The following DNAH6 variants were observed in gnomAD, a reference collection of about 807,000 sequenced individuals.
DNAH6 encodes the protein axonemal beta dynein heavy chain 6.
In DNAH6, 340 loss-of-function variants were observed where a neutral mutation model predicts 491.4. That is an observed-to-expected ratio of 0.69 (90% CI 0.63 to 0.76). The LOEUF is 0.76. Ranked by LOEUF, DNAH6 falls within the 30% of genes least tolerant of loss-of-function variation. The pLI is 0.00. For synonymous variants in DNAH6, 1,603 were observed against 1,686.1 expected (o/e 0.95, Z 1.21); for missense variants, 4,443 against 4,972.2 (o/e 0.89, Z 3.20).
chr2:84,536,939 C>T (rs939405777), intron 4 of DNAH6, among the ~76,000 whole-genome samples: 1 of 151,990 alleles, frequency 6.6e-6, no homozygotes. Flanking sequence ...TATAATCTCA[C>T]ATATTATGTG....
intron 41 of DNAH6, among the ~76,000 whole-genome samples, chr2:84,681,070 T>C (rs920607072): frequency 6.6e-6 from 1 of 152,122 alleles, no homozygotes; most frequent in African/African-American, 2.4e-5. Context: ...TGATGACCCC[T>C]TGGACTCACC....
At chr2:84,620,303 G>A (rs1687268782) in intron 24 of DNAH6, among the ~76,000 whole-genome samples, 1 of 152,102 alleles carries the variant, frequency 6.6e-6, no homozygotes, top group South Asian at 2.1e-4. Context: ...GGAATGATGA[G>A]CTCGTTCAGG....
chr2:84,492,012 T>C, the DNAH6 span, among the ~76,000 whole-genome samples: 2 of 152,142 alleles, frequency 1.3e-5, no homozygotes, highest in African/African-American at 4.8e-5. Flanking sequence ...GCTCAGAAGG[T>C]GGAGGTCTAA....
At chr2:84,726,271 G>A (rs1573617571) in intron 60 of DNAH6, among the ~76,000 whole-genome samples, 1 of 152,260 alleles carries the variant, frequency 6.6e-6, no homozygotes, top group East Asian at 1.9e-4. Flanking sequence ...TGATCCCAGG[G>A]ATTGGGCAGG....
At chr2:84,551,038 T>A (rs1679297656) in intron 9 of DNAH6, among the ~76,000 whole-genome samples, 1 of 152,176 alleles carries the variant, frequency 6.6e-6, no homozygotes, top group Admixed American at 6.5e-5. Context: ...AGCTCCATCC[T>A]TAGTACTAAT....
rs576867757 is a variant in DNAH6 at position 84,629,125 on chromosome 2, C to T, written c.4515+4062C>T. Among the ~76,000 whole-genome samples, 5 of 152,148 alleles carry T rather than the reference C, an allele frequency of 3.3e-5. No individual in the cohort carries two copies. In the South Asian group the frequency reaches 6.2e-4, roughly 19 times the overall value. On this transcript the variant is annotated intron_variant, in intron 29 of 76. Transcript: ENST00000389394. The stretch of plus-strand genomic sequence containing the variant: ...GCTCTATTTTTTTAATTCGTTTTCA[C>T]TGCTCTGTTTTTATGATTTTTTTCA...
In DNAH6 at chr2:84,589,711, C is replaced by CAAAAA. The variant is rs1301777970; in HGVS notation, c.2610+773_2610+777dup. Among the ~76,000 whole-genome samples, 24 of 58,200 alleles carry CAAAAA rather than the reference C, an allele frequency of 4.1e-4. 1 individual carries two copies. Among genetic ancestry groups the CAAAAA allele is most frequent in the Non-Finnish European group, 6.6e-4 (18 of 27,362 alleles). 38.2% of individuals were successfully genotyped at this position (58,200 alleles called of 152,430 possible). A position where few individuals can be genotyped will look rare whatever the true frequency, so the allele number is the denominator to read the frequency against. On this transcript the variant is annotated intron_variant, in intron 16 of 76. Coordinates refer to ENST00000389394, the MANE Select transcript of DNAH6 (RefSeq NM_001370.2). ...TAGGTGACAGAGTGAGACCCTGTCTCAAAAAAAAAAAAAAAAAAAAGAAAG... is the reference window on the plus strand; with the variant it reads ...TAGGTGACAGAGTGAGACCCTGTCTCAAAAAAAAAAAAAAAAAAAAAAAAAGAAAG...
chr2:84,588,774 G>C, intron 15 of DNAH6, 52 bp from the exon 16 acceptor site: 1 of 1,408,258 alleles, frequency 7.1e-7, no homozygotes, highest in Admixed American at 2.8e-5. Context: ...AATTTAATTG[G>C]TCTTTATCAA....
chr2:84,813,914 G>A, intron 74 of DNAH6, 57 bp from the exon 75 acceptor site: 8 of 1,532,940 alleles, frequency 5.2e-6, no homozygotes, highest in Non-Finnish European at 7.1e-6. Context: ...AAGGGGAATA[G>A]TGCCTGGGGA....
At chr2:84,477,397 GC>G in the DNAH6 span, among the ~76,000 whole-genome samples, 9 of 152,122 alleles carry the variant, frequency 5.9e-5, no homozygotes, top group African/African-American at 2.2e-4. Context: ...CCCTGCCTCA[GC>G]TTTTTTCCCA....
At position 84,595,656 on chromosome 2, in the gene DNAH6, A is replaced by T; in HGVS notation, c.2735A>T (p.Asp912Val). ...LQQEWLKSKF[D>V]CLDPEVLNGQ... ...TTAAATTTTTCATAGTCCAAATTTG[A>T]TTGCCTGGATCCAGAAGTCCTAAAC... is the stretch of plus-strand genomic sequence containing the variant. Residue 912 changes from aspartate (D) to valine (V), a missense_variant, in exon 18 of 77, where the codon GAT becomes GTT. Around this residue, in one of 3 missense-constraint regions of DNAH6, gnomAD observed 2,977 missense variants for 3,296.6 expected, o/e 0.90. Coordinates refer to ENST00000389394, the MANE Select transcript of DNAH6 (RefSeq NM_001370.2). The T allele has an allele frequency of 1.3e-6, 2 of 1,537,066 alleles. No homozygotes were observed. The highest frequency in any genetic ancestry group is 4.2e-5 in the Admixed American group (2 of 47,444).
chr2:84,763,357 A>G (rs1006015842), intron 64 of DNAH6, among the ~76,000 whole-genome samples: 1 of 152,052 alleles, frequency 6.6e-6, no homozygotes, highest in Non-Finnish European at 1.5e-5. Flanking sequence ...AATAGGGACA[A>G]GGGGGATGTT....
intron 24 of DNAH6, among the ~76,000 whole-genome samples, chr2:84,620,960 G>A (rs1479484309): frequency 3.3e-5 from 5 of 152,200 alleles, no homozygotes; most frequent in Admixed American, 1.3e-4. Flanking sequence ...AATCCATGCA[G>A]TGCATATAGA....
At chr2:84,553,377 C>CTT (rs1679646132) in intron 10 of DNAH6, among the ~76,000 whole-genome samples, 3 of 75,968 alleles carry the variant, frequency 3.9e-5, no homozygotes, top group Admixed American at 3.4e-4. Context: ...TTCTTTCTTT[C>CTT]TTTCTTTCTT....
rs1698284203 is a variant in DNAH6 at position 84,722,799 on chromosome 2, A to T, written c.9967A>T (p.Lys3323Ter). 1 of 1,483,670 alleles carries T rather than the reference A, an allele frequency of 6.7e-7. No individual in the cohort carries two copies. Among genetic ancestry groups the T allele is most frequent in the African/African-American group, 1.4e-5 (1 of 69,572 alleles). The allele number at this position is 1,483,670 out of a possible 1,614,324, so 91.9% of individuals were successfully genotyped here. ...PMYQYSLKYF[K>*]QLFNTTIETS... ...GTACCAGTACTCATTAAAATACTTT[A>T]AACAGGTAAGTGTGTTCATGTTGTT... Residue 3323 changes from lysine (K) to a stop codon, truncating the protein, a stop_gained, in exon 60 of 77, where the codon AAA becomes TAA. Coordinates refer to ENST00000389394, the MANE Select transcript of DNAH6 (RefSeq NM_001370.2). LOFTEE classifies it high-confidence loss of function.
intron 75 of DNAH6, among the ~76,000 whole-genome samples, chr2:84,815,298 A>G (rs1680377952): frequency 6.6e-6 from 1 of 152,122 alleles, no homozygotes. Flanking sequence ...TGAGGCTCCA[A>G]TTATCCAAAG....
At chr2:84,771,548 A>G (rs1005576509) in intron 64 of DNAH6, among the ~76,000 whole-genome samples, 1 of 152,228 alleles carries the variant, frequency 6.6e-6, no homozygotes, top group African/African-American at 2.4e-5. Flanking sequence ...TCAAAAGACC[A>G]GACAAAGAAA....
chr2:84,746,137 G>A (rs1013586562), intron 63 of DNAH6, among the ~76,000 whole-genome samples: 2 of 152,222 alleles, frequency 1.3e-5, no homozygotes, highest in Non-Finnish European at 2.9e-5. Flanking sequence ...GTGGTTAGCA[G>A]TCTGAAAGTC....
intron 43 of DNAH6, 36 bp downstream of exon 43, chr2:84,685,508 T>G (rs1287542546): frequency 7.5e-7 from 1 of 1,330,848 alleles, no homozygotes; most frequent in Non-Finnish European, 9.9e-7. Context: ...TTTTTTTATT[T>G]GAGTAGAAAA....
Sources: gnomAD v4.1 joint callset for allele counts (sites outside exome capture counted in the v4.1 genomes callset) on GRCh38, gnomAD v4.1.1 for gene constraint, gnomAD v4.1.1 regional missense constraint, MANE v1.5 for transcripts, NCBI Gene and HGNC (gene_info 2026-07-23, HGNC 2026-07-21) for gene names.